NRF1: variants seen among roughly 807,000 people sequenced by gnomAD.
NRF1 encodes alpha palindromic-binding protein.
A neutral mutation model predicts 58.5 loss-of-function variants in NRF1; 5 were observed. The ratio of observed to expected loss-of-function variants is 0.09; its 90% CI spans 0.04 to 0.18. The LOEUF (loss-of-function observed/expected upper bound fraction) is 0.18, where lower values mean the gene tolerates loss of function less well. Ranked by LOEUF, NRF1 falls within the 10% of genes least tolerant of loss-of-function variation. The pLI is 1.00. For missense variants in NRF1, 288 were observed against 657.7 expected (o/e 0.44, Z 6.15); for synonymous variants, 224 against 246.7 (o/e 0.91, Z 0.86).
chr7:129,646,142 C>T (rs745906556), intron 1 of NRF1, among the ~76,000 whole-genome samples: 3 of 152,178 alleles, frequency 2.0e-5, no homozygotes, highest in Non-Finnish European at 4.4e-5. Flanking sequence ...CCGCGCCAGG[C>T]CTGTGAGACA....
chr7:129,690,186 T>G (rs1167166119), intron 4 of NRF1, among the ~76,000 whole-genome samples: 1 of 152,192 alleles, frequency 6.6e-6, no homozygotes, highest in East Asian at 1.9e-4. Flanking sequence ...CTGGCTCTCT[T>G]CTATTGTTGT....
chr7:129,654,667 G>C (rs1356177455), intron 1 of NRF1, among the ~76,000 whole-genome samples: 1 of 151,978 alleles, frequency 6.6e-6, no homozygotes, highest in Non-Finnish European at 1.5e-5. Flanking sequence ...TCATTTTTTT[G>C]ATGTGTGACT....
intron 2 of NRF1, among the ~76,000 whole-genome samples, chr7:129,669,488 T>C (rs1191154453): frequency 1.3e-5 from 2 of 152,310 alleles, no homozygotes; most frequent in South Asian, 2.1e-4. Context: ...TGGATAGATA[T>C]GTATAATAAG....
chr7:129,624,302 T>C (rs556009225), intron 1 of NRF1, among the ~76,000 whole-genome samples: 151 of 152,338 alleles, frequency 9.9e-4, no homozygotes, highest in Middle Eastern at 3.4e-3. Flanking sequence ...TTGCTTGATA[T>C]ATGTCTGTTC....
chr7:129,624,631 T>A (rs1800874278), intron 1 of NRF1, among the ~76,000 whole-genome samples: 1 of 152,090 alleles, frequency 6.6e-6, no homozygotes, highest in Admixed American at 6.6e-5. Flanking sequence ...TTTAAGATAT[T>A]TGGATGGTTG....
chr7:129,700,140 C>CAA (rs34467686), intron 5 of NRF1, among the ~76,000 whole-genome samples: 1 of 127,184 alleles, frequency 7.9e-6, no homozygotes, highest in Non-Finnish European at 1.7e-5. Flanking sequence ...GACTCCATCT[C>CAA]AAAAAAAAAA....
At chr7:129,734,742 GTCT>G (rs1372758741) in intron 10 of NRF1, among the ~76,000 whole-genome samples, 1 of 152,220 alleles carries the variant, frequency 6.6e-6, no homozygotes, top group Non-Finnish European at 1.5e-5. Flanking sequence ...TAGTGAATGT[GTCT>G]TCTTGACTGG....
intron 3 of NRF1, 108 bp from the exon 4 acceptor site, chr7:129,677,524 A>G: frequency 1.0e-6 from 1 of 983,208 alleles, no homozygotes; most frequent in Admixed American, 2.4e-5. Flanking sequence ...CATTTTACGT[A>G]AAAGAGCATA....
At chr7:129,662,362 T>TC (rs1801803148) in intron 2 of NRF1, among the ~76,000 whole-genome samples, 1 of 150,174 alleles carries the variant, frequency 6.7e-6, no homozygotes, top group African/African-American at 2.5e-5. Flanking sequence ...GTGTTTTTTT[T>TC]CCTCCAGTTT....
At chr7:129,722,903 A>G (rs1803361640) in intron 9 of NRF1, among the ~76,000 whole-genome samples, 1 of 152,200 alleles carries the variant, frequency 6.6e-6, no homozygotes, top group Non-Finnish European at 1.5e-5. Context: ...ATTACAGGAA[A>G]TAAGCAGTCA....
intron 4 of NRF1, among the ~76,000 whole-genome samples, chr7:129,689,652 G>A (rs1363964875): frequency 6.6e-6 from 1 of 152,188 alleles, no homozygotes; most frequent in East Asian, 1.9e-4. Flanking sequence ...GTGTGTTACT[G>A]TTAAGTTGAG....
At chr7:129,743,622 T>A (rs1803900668) in intron 10 of NRF1, among the ~76,000 whole-genome samples, 1 of 152,230 alleles carries the variant, frequency 6.6e-6, no homozygotes, top group African/African-American at 2.4e-5. Context: ...GTAAGCATGA[T>A]GTTATTTATC....
At chr7:129,745,041 A>G (rs1047810567) in intron 10 of NRF1, among the ~76,000 whole-genome samples, 1 of 152,194 alleles carries the variant, frequency 6.6e-6, no homozygotes, top group Non-Finnish European at 1.5e-5. Flanking sequence ...ACAGAAAAAT[A>G]AATAAATCTC....
intron 1 of NRF1, among the ~76,000 whole-genome samples, chr7:129,657,025 T>C (rs1446888768): frequency 6.6e-6 from 1 of 152,272 alleles, no homozygotes; most frequent in African/African-American, 2.4e-5. Flanking sequence ...TGCTAGTCAC[T>C]GAGCTATCTT....
At chr7:129,688,773 T>C (rs531902911) in intron 4 of NRF1, among the ~76,000 whole-genome samples, 14 of 152,238 alleles carry the variant, frequency 9.2e-5, no homozygotes, top group African/African-American at 3.1e-4. Context: ...TCAGCTCTTA[T>C]GAGAACTCAC....
chr7:129,680,418 A>G (rs1802281798), intron 4 of NRF1, among the ~76,000 whole-genome samples: 1 of 152,242 alleles, frequency 6.6e-6, no homozygotes, highest in Non-Finnish European at 1.5e-5. Flanking sequence ...TAAAGTTGCC[A>G]TGTGTCCTAG....
chr7:129,648,931 T>C (rs894783016), intron 1 of NRF1, among the ~76,000 whole-genome samples: 1 of 149,364 alleles, frequency 6.7e-6, no homozygotes, highest in African/African-American at 2.4e-5. Flanking sequence ...TTTTTTTTTT[T>C]CAACTGTAGA....
chr7:129,681,935 A>T (rs1230114703), intron 4 of NRF1, among the ~76,000 whole-genome samples: 1 of 151,264 alleles, frequency 6.6e-6, no homozygotes, highest in East Asian at 1.9e-4. Context: ...AAAAAAAAAA[A>T]GCCAGGCATA....
intron 5 of NRF1, among the ~76,000 whole-genome samples, chr7:129,708,239 T>A (rs1192661934): frequency 6.6e-6 from 1 of 152,244 alleles, no homozygotes; most frequent in Non-Finnish European, 1.5e-5. Context: ...TTGCCAGAAA[T>A]CATTATCAGC....
Sources: allele counts gnomAD v4.1 joint callset (sites outside exome capture counted in the v4.1 genomes callset), GRCh38; gene constraint gnomAD v4.1.1; transcripts MANE v1.5; gene names NCBI Gene and HGNC (gene_info 2026-07-23, HGNC 2026-07-21).